Variants in TRIP10 observed in about 807,000 individuals in gnomAD.
TRIP10 encodes the protein cdc42-interacting protein 4.
In TRIP10, 54 loss-of-function variants were observed where a neutral mutation model predicts 80.9. The ratio of observed to expected loss-of-function variants is 0.67; its 90% CI spans 0.54 to 0.84. TRIP10 has a LOEUF of 0.84. TRIP10 is among the 40% of genes least tolerant of loss of function. The probability of loss-of-function intolerance (pLI) is 0.00; values close to 1 mark genes in which losing one functional copy is unlikely to be tolerated. For synonymous variants in TRIP10, 321 were observed against 307.2 expected, an observed-to-expected ratio of 1.04 and a Z score of -0.47; for missense variants, 773 against 815.3, an observed-to-expected ratio of 0.95 and a Z score of 0.63.
intron 12 of TRIP10, 92 bp from the exon 13 acceptor site, chr19:6,750,200 T>C: frequency 6.3e-7 from 1 of 1,582,108 alleles, no homozygotes; most frequent in South Asian, 1.2e-5. Context: ...CAGCCTTGGC[T>C]GTGCGTGGGT....
rs947936207 is a variant in TRIP10 at position 6,746,224 on chromosome 19, G to A, written c.1152+28G>A. 197 of 1,507,154 alleles carry A rather than the reference G, an allele frequency of 1.3e-4. No homozygotes were observed. The highest frequency in any genetic ancestry group is 1.6e-4 in the Non-Finnish European group (183 of 1,121,524). The allele number at this position is 1,507,154 out of a possible 1,614,324, so 93.4% of individuals were successfully genotyped here. On this transcript the variant is annotated intron_variant, in intron 10 of 14. Coordinates refer to ENST00000313244, the MANE Select transcript of TRIP10 (RefSeq NM_001288962.2). The surrounding 1 kb of genome is among the most constrained non-coding windows in gnomAD (Gnocchi z 6.2). ...AAGTGAGGCCTCGGGGCAGGAGGAG[G>A]TGGTGGCCCTAGCCTGCCCAGCGGC...
rs2145526208 is a variant in TRIP10, at chr19:6,739,756, A to G, written c.-6A>G. 7.3e-7 allele frequency: 1 copy of G among 1,378,378 alleles called. No homozygotes were observed. Among genetic ancestry groups the G allele is most frequent in the Non-Finnish European group, 9.5e-7 (1 of 1,054,434 alleles). 85.4% of individuals were successfully genotyped at this position (1,378,378 alleles called of 1,614,324 possible). On this transcript the variant is annotated 5_prime_UTR_variant, in exon 1 of 15. Coordinates refer to ENST00000313244, the MANE Select transcript of TRIP10 (RefSeq NM_001288962.2). ...TGGTGGCTGCGGCGGCGGCGGCGGG[A>G]GCAGCATGGATTGGGGCACTGAGCT...
chr19:6,751,225 C>A lies in TRIP10; in HGVS notation c.*14C>A. On this transcript the variant is annotated 3_prime_UTR_variant, in exon 15 of 15. Coordinates refer to ENST00000313244, the MANE Select transcript of TRIP10 (RefSeq NM_001288962.2). ...ACGCTCAATTGAACCCTGCCAGAGACGGGAAGAGGGGGGCTGTCGGCTGCT... is the reference window on the plus strand; with the variant it reads ...ACGCTCAATTGAACCCTGCCAGAGAAGGGAAGAGGGGGGCTGTCGGCTGCT... 2 of 1,613,752 alleles carry A rather than the reference C, an allele frequency of 1.2e-6. No individual in the cohort carries two copies. Among genetic ancestry groups the A allele is most frequent in the Non-Finnish European group, 1.7e-6 (2 of 1,179,914 alleles).
Position 6,744,026 on chromosome 19 carries a change from T to C in TRIP10, c.642+190T>C, listed in dbSNP as rs1025403670. On this transcript the variant is annotated intron_variant, in intron 7 of 14. Transcript: ENST00000313244. The surrounding 1 kb of genome is among the most constrained non-coding windows in gnomAD (Gnocchi z 4.9). ...CTGCTGGGCATGCCTTTTACTTGTTTGTTTATTTACTTCTATAGAGAGATG... is the reference window on the plus strand; with the variant it reads ...CTGCTGGGCATGCCTTTTACTTGTTCGTTTATTTACTTCTATAGAGAGATG... 17 of 802,408 alleles carry C rather than the reference T, an allele frequency of 2.1e-5. No individual in the cohort carries two copies. The Admixed American group carries it at 5.0e-4, about 23-fold the overall frequency. 49.7% of individuals were successfully genotyped at this position (802,408 alleles called of 1,614,324 possible).
rs528617196 is a variant in TRIP10 at position 6,746,249 on chromosome 19, C to T, written c.1152+53C>T. ...GTGGTGGCCCTAGCCTGCCCAGCGG[C>T]GGGTGGCGGGACCCTGGGCTCGCTT... is the stretch of plus-strand genomic sequence containing the variant. On this transcript the variant is annotated intron_variant, in intron 10 of 14. Transcript: ENST00000313244. This position sits in a 1 kb window ranked among gnomAD's most constrained non-coding sequence, Gnocchi z 6.2. 1.9e-4 allele frequency: 276 copies of T among 1,483,826 alleles called. No individual in the cohort carries two copies. In the East Asian group the frequency reaches 4.4e-3, roughly 24 times the overall value. 91.9% of individuals were successfully genotyped at this position (1,483,826 alleles called of 1,614,324 possible).
rs1179614917 is a variant in TRIP10 at position 6,743,550 on chromosome 19, T to C, written c.465T>C (p.Ala155=). 2 of 1,599,414 alleles carry C rather than the reference T, an allele frequency of 1.3e-6. No individual in the cohort carries two copies. The highest frequency in any genetic ancestry group is 1.1e-5 in the South Asian group (1 of 90,840). ...CREAEKAAQT[A]ERLDQDINAT... ...AGGCAGAGAAGGCAGCCCAGACTGC[T>C]GAACGGCTAGACCAGGATATCAACG... Residue 155 remains alanine, a synonymous_variant, in exon 6 of 15, where the codon GCT becomes GCC. Transcript: ENST00000313244.
Position 6,743,049 on chromosome 19 carries a change from C to A in TRIP10, c.280C>A (p.Leu94Ile). The change falls in exon 4 of 15, where the codon CTC becomes ATC. Residue 94 changes from leucine to isoleucine, a missense_variant. Transcript: ENST00000313244. ...CCAGCGGGAGCTGGTGGCTGAGAAC[C>A]TCAGTGTCCGTGTATGTCTTGAGCT... is the stretch of plus-strand genomic sequence containing the variant. The part of the protein sequence containing the change: ...AGQRELVAEN[L>I]SVRVCLELTK... 6.2e-7 allele frequency: 1 copy of A among 1,614,184 alleles called. No individual in the cohort carries two copies. The highest frequency in any genetic ancestry group is 8.5e-7 in the Non-Finnish European group (1 of 1,180,036).
rs542187750 is a variant in TRIP10, at chr19:6,745,088, C to T, written c.984+94C>T. On this transcript the variant is annotated intron_variant, in intron 9 of 14. Transcript: ENST00000313244. This position sits in a 1 kb window ranked among gnomAD's most constrained non-coding sequence, Gnocchi z 7.2. ...GAGTCAGCCCCAGCCGCCTGAACGC[C>T]GAGTCTCGGGCAGGAATTTTCCTCT... The T allele has an allele frequency of 1.0e-4, 152 of 1,449,184 alleles. No homozygotes were observed. Among genetic ancestry groups the T allele is most frequent in the African/African-American group, 1.8e-4 (13 of 70,398 alleles). The allele number at this position is 1,449,184 out of a possible 1,614,324, so 89.8% of individuals were successfully genotyped here. A position where few individuals can be genotyped will look rare whatever the true frequency, so the allele number is the denominator to read the frequency against.
Position 6,745,220 on chromosome 19 carries a change from GTCTGCTGCTTC to G in TRIP10, c.984+229_984+239del, listed in dbSNP as rs1314038924. On this transcript the variant is annotated intron_variant, in intron 9 of 14. Coordinates refer to ENST00000313244, the MANE Select transcript of TRIP10 (RefSeq NM_001288962.2). This position sits in a 1 kb window ranked among gnomAD's most constrained non-coding sequence, Gnocchi z 7.2. ...GGAGGTGGGGAGGTCCGTGGCGTTT[GTCTGCTGCTTC>G]TCGGGATGCTGGGAGAAAACCTGCT... 1 of 596,682 alleles carries G rather than the reference GTCTGCTGCTTC, an allele frequency of 1.7e-6. No homozygotes were observed. 37.0% of individuals were successfully genotyped at this position (596,682 alleles called of 1,614,324 possible). A position where few individuals can be genotyped will look rare whatever the true frequency, so the allele number is the denominator to read the frequency against.
intron 1 of TRIP10, chr19:6,740,687 CG>C (rs1001348519): frequency 2.6e-5 from 7 of 270,610 alleles, no homozygotes; most frequent in East Asian, 1.5e-4. Context: ...TTCCGGAATC[CG>C]GGGGGATTAG....
intron 11 of TRIP10, among the ~76,000 whole-genome samples, chr19:6,747,813 A>ATAAT (rs1969182279): frequency 6.6e-6 from 1 of 151,404 alleles, no homozygotes; most frequent in Admixed American, 6.6e-5. Context: ...AATAATAATA[A>ATAAT]TAATACATTA....
intron 7 of TRIP10, 153 bp downstream of exon 7, chr19:6,743,989 C>A: frequency 9.5e-7 from 1 of 1,051,650 alleles, no homozygotes; most frequent in Non-Finnish European, 1.4e-6. Context: ...TGCTTTTAGT[C>A]AGCTGTTCTT....
Position 6,744,534 on chromosome 19 carries a change from C to T in TRIP10, c.643-20C>T, listed in dbSNP as rs1188816880. On this transcript the variant is annotated intron_variant, in intron 7 of 14. Coordinates refer to ENST00000313244, the MANE Select transcript of TRIP10 (RefSeq NM_001288962.2). This position sits in a 1 kb window ranked among gnomAD's most constrained non-coding sequence, Gnocchi z 4.9. ...CCCTCTGTTAGCACCCCTGAGCCAC[C>T]CTTGTCCCTGTCCTTACAGAAGCTC... is the stretch of plus-strand genomic sequence containing the variant. The T allele has an allele frequency of 5.6e-6, 9 of 1,613,586 alleles. No individual in the cohort carries two copies. The highest frequency in any genetic ancestry group is 1.3e-5 in the African/African-American group (1 of 74,932).
At chr19:6,748,958 A>G (rs1969207841) in intron 11 of TRIP10, 1 of 152,216 alleles carries the variant, frequency 6.6e-6, no homozygotes, top group African/African-American at 2.4e-5. Context: ...CATTCTAGGC[A>G]CTATTCGAAA....
intron 11 of TRIP10, among the ~76,000 whole-genome samples, chr19:6,749,483 CAG>C (rs60059165): frequency 0.012 from 1,782 of 152,304 alleles, 31 homozygotes; most frequent in African/African-American, 0.041. Flanking sequence ...CGAACCCAGG[CAG>C]TCGGGCACTA....
Position 6,745,149 on chromosome 19 carries a change from C to A in TRIP10, c.984+155C>A. 1.4e-6 allele frequency: 1 copy of A among 736,462 alleles called. No homozygotes were observed. Among genetic ancestry groups the A allele is most frequent in the African/African-American group, 2.4e-5 (1 of 41,530 alleles). The allele number at this position is 736,462 out of a possible 1,614,324, so 45.6% of individuals were successfully genotyped here. A position where few individuals can be genotyped will look rare whatever the true frequency, so the allele number is the denominator to read the frequency against. On this transcript the variant is annotated intron_variant, in intron 9 of 14. Transcript: ENST00000313244. The surrounding 1 kb of genome is among the most constrained non-coding windows in gnomAD (Gnocchi z 7.2). ...CCCGGACTGGAGGGAAGGAAGGCGGCCGATTGGCCTGGGAGTCCCCCGAGG... is the reference window on the plus strand; with the variant it reads ...CCCGGACTGGAGGGAAGGAAGGCGGACGATTGGCCTGGGAGTCCCCCGAGG...
Position 6,743,012 on chromosome 19 carries a change from T to C in TRIP10, c.243T>C (p.Asn81=), listed in dbSNP as rs768744915. Residue 81 remains asparagine, a synonymous_variant, in exon 4 of 15, where the codon AAT becomes AAC. Coordinates refer to ENST00000313244, the MANE Select transcript of TRIP10 (RefSeq NM_001288962.2). ...QSFVQILQEV[N]DFAGQRELVA... Reference sequence around the variant, plus strand: ...TCGTACAGATTCTCCAGGAGGTGAATGACTTTGCAGGCCAGCGGGAGCTGG... The same window carrying C: ...TCGTACAGATTCTCCAGGAGGTGAACGACTTTGCAGGCCAGCGGGAGCTGG... 3.7e-6 allele frequency: 6 copies of C among 1,614,038 alleles called. No homozygotes were observed. The highest frequency in any genetic ancestry group is 1.3e-5 in the African/African-American group (1 of 74,926).
Position 6,750,646 on chromosome 19 carries a change from A to G in TRIP10, c.1657+13A>G. On this transcript the variant is annotated intron_variant, in intron 14 of 14. Coordinates refer to ENST00000313244, the MANE Select transcript of TRIP10 (RefSeq NM_001288962.2). ...TACCACTTTGAAGGTGAGAACGGCC[A>G]GAGTGGGCTTGGCGGGGTATGGGAG... The G allele has an allele frequency of 1.2e-6, 2 of 1,613,700 alleles. No individual in the cohort carries two copies. The highest frequency in any genetic ancestry group is 1.1e-5 in the South Asian group (1 of 91,020).
chr19:6,744,736 A>G lies in TRIP10; in HGVS notation c.789+36A>G. On this transcript the variant is annotated intron_variant, in intron 8 of 14. Transcript: ENST00000313244. The surrounding 1 kb of genome is among the most constrained non-coding windows in gnomAD (Gnocchi z 4.9). Reference sequence around the variant, plus strand: ...GGTCTGGGTCCACTGGGCTACGGGAAGGGCAGAGGGAGGTACCCATAGGCT... The same window carrying G: ...GGTCTGGGTCCACTGGGCTACGGGAGGGGCAGAGGGAGGTACCCATAGGCT... 5 of 1,590,572 alleles carry G rather than the reference A, an allele frequency of 3.1e-6. No homozygotes were observed. In the South Asian group the frequency reaches 5.7e-5, roughly 18 times the overall value.
Sources: allele counts gnomAD v4.1 joint callset (sites outside exome capture counted in the v4.1 genomes callset), GRCh38; gene constraint gnomAD v4.1.1; non-coding constraint Gnocchi (gnomAD v3.1); transcripts MANE v1.5; gene names NCBI Gene and HGNC (gene_info 2026-07-23, HGNC 2026-07-21).